AGBL1: variants seen among roughly 807,000 people sequenced by gnomAD.
The protein encoded by AGBL1 is AGBL carboxypeptidase 1.
A neutral mutation model predicts 118.9 loss-of-function variants in AGBL1; 130 were observed. That is an observed-to-expected ratio of 1.09 (90% CI 0.95 to 1.26). AGBL1 has a LOEUF of 1.26. Ranked by LOEUF, AGBL1 falls within the 50% of genes most tolerant of loss-of-function variation. AGBL1 has a pLI of 0.00. For synonymous variants in AGBL1, 555 were observed against 478.9 expected (o/e 1.16, Z -2.08); for missense variants, 1,584 against 1,298.1 (o/e 1.22, Z -3.38).
At chr15:86,304,368 T>C (rs1347949602) in intron 17 of AGBL1, among the ~76,000 whole-genome samples, 2 of 152,322 alleles carry the variant, frequency 1.3e-5, no homozygotes, top group Admixed American at 1.3e-4. Context: ...TGTCATATAG[T>C]ATTCATGCTC....
intron 22 of AGBL1, among the ~76,000 whole-genome samples, chr15:86,710,227 A>G (rs1299412858): frequency 1.3e-5 from 2 of 152,202 alleles, no homozygotes; most frequent in East Asian, 3.9e-4. Context: ...TGCTTTGGGA[A>G]AAATATAATT....
intron 22 of AGBL1, among the ~76,000 whole-genome samples, chr15:86,796,031 C>T (rs941535874): frequency 1.3e-5 from 2 of 152,024 alleles, no homozygotes; most frequent in Admixed American, 6.6e-5. Flanking sequence ...AGTCTTCTTA[C>T]ATGTGTCAAC....
intron 21 of AGBL1, among the ~76,000 whole-genome samples, chr15:86,583,500 C>G (rs1377935375): frequency 6.6e-6 from 1 of 152,102 alleles, no homozygotes; most frequent in African/African-American, 2.4e-5. Flanking sequence ...CATGTTGCTA[C>G]AGAGGACATG....
intron 5 of AGBL1, among the ~76,000 whole-genome samples, chr15:86,203,642 C>T (rs1283663710): frequency 6.6e-6 from 1 of 152,180 alleles, no homozygotes; most frequent in Non-Finnish European, 1.5e-5. Context: ...GCTACCTTTA[C>T]TCTGTTTAAT....
At chr15:86,746,331 T>C (rs1385693961) in intron 22 of AGBL1, among the ~76,000 whole-genome samples, 1 of 152,154 alleles carries the variant, frequency 6.6e-6, no homozygotes, top group Non-Finnish European at 1.5e-5. Flanking sequence ...CTCTTGCCTC[T>C]GAGCCTTTAA....
At chr15:86,473,401 C>A (rs1324812854) in intron 18 of AGBL1, among the ~76,000 whole-genome samples, 1 of 151,936 alleles carries the variant, frequency 6.6e-6, no homozygotes, top group African/African-American at 2.4e-5. Flanking sequence ...CTTTGATTTC[C>A]AGTAAATACA....
At chr15:86,666,773 A>C (rs535869728) in intron 21 of AGBL1, among the ~76,000 whole-genome samples, 1 of 152,212 alleles carries the variant, frequency 6.6e-6, no homozygotes, top group Non-Finnish European at 1.5e-5. Context: ...TGAATTAGAT[A>C]TTATTATGCT....
At chr15:86,146,418 G>A (rs1208271198) in intron 3 of AGBL1, among the ~76,000 whole-genome samples, 1 of 152,160 alleles carries the variant, frequency 6.6e-6, no homozygotes, top group Non-Finnish European at 1.5e-5. Flanking sequence ...TTATATCAGG[G>A]ACTTGAGCAT....
chr15:86,741,771 CA>C (rs199507485), intron 22 of AGBL1, among the ~76,000 whole-genome samples: 7 of 148,996 alleles, frequency 4.7e-5, no homozygotes, highest in African/African-American at 1.7e-4. Flanking sequence ...TGCTAGCAGA[CA>C]TTTTTTTTTT....
chr15:86,328,692 A>T (rs2080224291), intron 17 of AGBL1, among the ~76,000 whole-genome samples: 1 of 152,156 alleles, frequency 6.6e-6, no homozygotes, highest in African/African-American at 2.4e-5. Flanking sequence ...TGAGAGAGAC[A>T]GACAGCCTCC....
At chr15:86,460,740 G>A (rs755614072) in intron 18 of AGBL1, among the ~76,000 whole-genome samples, 20 of 152,150 alleles carry the variant, frequency 1.3e-4, no homozygotes, top group African/African-American at 4.1e-4. Context: ...CTTCCTTGCC[G>A]CTTTTCCTTA....
At chr15:86,732,816 C>G (rs970733669) in intron 22 of AGBL1, among the ~76,000 whole-genome samples, 4 of 151,526 alleles carry the variant, frequency 2.6e-5, no homozygotes, top group African/African-American at 9.7e-5. Context: ...ATCCTCATCT[C>G]TGAGCATTAG....
At chr15:86,621,518 T>C (rs2084803980) in intron 21 of AGBL1, among the ~76,000 whole-genome samples, 1 of 152,164 alleles carries the variant, frequency 6.6e-6, no homozygotes, top group Admixed American at 6.5e-5. Context: ...GCCTCCATCT[T>C]CACAGGGCCA....
chr15:86,938,788 T>C (rs1162968508), intron 23 of AGBL1: 2 of 152,192 alleles, frequency 1.3e-5, no homozygotes, highest in African/African-American at 4.8e-5. Context: ...AAGCAGATTC[T>C]GGCCCCAGTA....
At position 86,553,866 on chromosome 15, in the gene AGBL1, C is replaced by CTTT. The variant is rs10708716; in HGVS notation, c.2818-485_2818-483dup. On this transcript the variant is annotated intron_variant, in intron 20 of 22. Transcript: ENST00000614907. ...CTGGACTTCAGCTATTTATTTCTAA[C>CTTT]TTTTTTTTTTTTGATATGCTGTCTC... Among the ~76,000 whole-genome samples, 1,290 of 149,056 alleles carry CTTT rather than the reference C, an allele frequency of 8.7e-3. 21 individuals carry two copies. The highest frequency in any genetic ancestry group is 0.03 in the African/African-American group (1,205 of 40,574).
rs570198589 is a variant in AGBL1 at position 86,165,953 on chromosome 15, G to A, written c.488+6927G>A. The stretch of plus-strand genomic sequence containing the variant: ...CATGAATTAAGCCTTGGCAACTAGA[G>A]TTATAGGGTTAAAGCCCTTTCATCT... On this transcript the variant is annotated intron_variant, in intron 5 of 22. Transcript: ENST00000614907. Among the ~76,000 whole-genome samples the A allele has an allele frequency of 2.6e-5, 4 of 152,268 alleles. No individual in the cohort carries two copies. The South Asian group carries it at 8.3e-4, about 32-fold the overall frequency.
intron 22 of AGBL1, among the ~76,000 whole-genome samples, chr15:86,893,421 T>G (rs1178749754): frequency 6.6e-6 from 1 of 152,232 alleles, no homozygotes; most frequent in East Asian, 1.9e-4. Flanking sequence ...TTGTTCACCC[T>G]GTTAGCATGC....
intron 21 of AGBL1, among the ~76,000 whole-genome samples, chr15:86,608,908 G>A (rs913937844): frequency 6.6e-6 from 1 of 152,160 alleles, no homozygotes; most frequent in African/African-American, 2.4e-5. Context: ...TTCCAAGTTG[G>A]TGATTTTTGC....
chr15:86,814,216 A>C (rs148055281), intron 22 of AGBL1, among the ~76,000 whole-genome samples: 1,857 of 152,236 alleles, frequency 0.012, 25 homozygotes, highest in Middle Eastern at 0.061. Context: ...GGAGCACGAG[A>C]CCTGTTGTGA....
Sources: allele counts gnomAD v4.1 joint callset (sites outside exome capture counted in the v4.1 genomes callset), GRCh38; gene constraint gnomAD v4.1.1; transcripts MANE v1.5; gene names NCBI Gene and HGNC (gene_info 2026-07-23, HGNC 2026-07-21).